MTDH: variants seen among roughly 807,000 people sequenced by gnomAD.
MTDH encodes metadherin.
In MTDH, 34 loss-of-function variants were observed where a neutral mutation model predicts 72.7. The observed-to-expected ratio is 0.47, with a 90% CI of 0.36 to 0.62. MTDH has a LOEUF of 0.62. Ranked by LOEUF, MTDH falls within the 20% of genes least tolerant of loss-of-function variation. MTDH has a pLI of 0.00. For synonymous variants in MTDH, 266 were observed against 268.9 expected (o/e 0.99, Z 0.10); for missense variants, 677 against 699.4 (o/e 0.97, Z 0.36).
intron 1 of MTDH, among the ~76,000 whole-genome samples, chr8:97,649,277 A>T (rs558415276): frequency 6.6e-6 from 1 of 152,280 alleles, no homozygotes; most frequent in East Asian, 1.9e-4. Flanking sequence ...GCCCTACTTT[A>T]GGACTTTATT....
At chr8:97,708,731 C>T (rs1814489554) in intron 8 of MTDH, among the ~76,000 whole-genome samples, 1 of 147,308 alleles carries the variant, frequency 6.8e-6, no homozygotes, top group African/African-American at 2.5e-5. Flanking sequence ...TCCTGAGTAG[C>T]TGGGATTACA....
chr8:97,685,268 A>G (rs1020304925), intron 2 of MTDH, among the ~76,000 whole-genome samples: 2 of 152,194 alleles, frequency 1.3e-5, no homozygotes, highest in African/African-American at 4.8e-5. Flanking sequence ...AAAACAGTGT[A>G]TTAAACATAC....
chr8:97,655,631 G>C (rs959952188), intron 1 of MTDH, among the ~76,000 whole-genome samples: 13 of 152,172 alleles, frequency 8.5e-5, no homozygotes, highest in African/African-American at 3.1e-4. Context: ...GGAATAAAGG[G>C]CATAGGCCAT....
At chr8:97,692,527 C>A (rs1813654025) in intron 6 of MTDH, among the ~76,000 whole-genome samples, 1 of 151,386 alleles carries the variant, frequency 6.6e-6, no homozygotes, top group Non-Finnish European at 1.5e-5. Context: ...CATACGCCAC[C>A]AAACTCAGCT....
chr8:97,712,887 A>G (rs1814693361), intron 8 of MTDH, among the ~76,000 whole-genome samples: 1 of 151,950 alleles, frequency 6.6e-6, no homozygotes, highest in South Asian at 2.1e-4. Flanking sequence ...TTTAAACTTG[A>G]GTGTTCCTTG....
chr8:97,692,747 T>G (rs959192024), intron 6 of MTDH, among the ~76,000 whole-genome samples: 7 of 151,530 alleles, frequency 4.6e-5, no homozygotes, highest in South Asian at 4.2e-4. Flanking sequence ...TTGTGGTTTT[T>G]AAGATGGGGT....
chr8:97,685,295 G>A (rs989607708), intron 2 of MTDH, among the ~76,000 whole-genome samples: 2 of 151,870 alleles, frequency 1.3e-5, no homozygotes, highest in Admixed American at 6.6e-5. Flanking sequence ...ATGATAATGA[G>A]AACATGCAGC....
chr8:97,702,358 CT>C (rs1814166356), intron 7 of MTDH, among the ~76,000 whole-genome samples: 1 of 152,212 alleles, frequency 6.6e-6, no homozygotes, highest in Admixed American at 6.5e-5. Context: ...ACTTCCCTGC[CT>C]TTGCCCATAT....
chr8:97,646,400 T>C (rs1811564383), intron 1 of MTDH, among the ~76,000 whole-genome samples: 1 of 152,220 alleles, frequency 6.6e-6, no homozygotes, highest in Non-Finnish European at 1.5e-5. Context: ...TTGTGGAGAC[T>C]ATCAAGAATT....
chr8:97,720,022 C>T (rs1239436200), intron 10 of MTDH, among the ~76,000 whole-genome samples: 15 of 152,084 alleles, frequency 9.9e-5, no homozygotes, highest in Admixed American at 9.2e-4. Context: ...TGTGGTGGCT[C>T]ACGCCTGTAA....
Position 97,689,117 on chromosome 8 carries a change from C to A in MTDH, c.811+14C>A. Reference sequence around the variant, plus strand: ...CTACACTTCAGGGTGAGAGAAATTACATGTAACTTAAATTGAAGGCCCATC... The same window carrying A: ...CTACACTTCAGGGTGAGAGAAATTAAATGTAACTTAAATTGAAGGCCCATC... On this transcript the variant is annotated intron_variant, in intron 5 of 11. Coordinates refer to ENST00000336273, the MANE Select transcript of MTDH (RefSeq NM_178812.4). 1 of 1,515,838 alleles carries A rather than the reference C, an allele frequency of 6.6e-7. No individual in the cohort carries two copies. Among genetic ancestry groups the A allele is most frequent in the South Asian group, 1.2e-5 (1 of 82,278 alleles). 93.9% of individuals were successfully genotyped at this position (1,515,838 alleles called of 1,614,324 possible).
rs1162729303 is a variant in MTDH at position 97,687,674 on chromosome 8, CATT to C, written c.745+72_745+74del. The stretch of plus-strand genomic sequence containing the variant: ...CCTTTTATTCGGATGTACAAAATAT[CATT>C]ATGTCAAAATCTGACTATTTTGAAT... On this transcript the variant is annotated intron_variant, in intron 4 of 11. Coordinates refer to ENST00000336273, the MANE Select transcript of MTDH (RefSeq NM_178812.4). 12 of 1,308,202 alleles carry C rather than the reference CATT, an allele frequency of 9.2e-6. No homozygotes were observed. In the African/African-American group the frequency reaches 1.5e-4, roughly 16 times the overall value. The allele number at this position is 1,308,202 out of a possible 1,614,324, so 81.0% of individuals were successfully genotyped here.
Position 97,726,246 on chromosome 8 carries a change from A to G in MTDH, c.*1576A>G, listed in dbSNP as rs1563576940. Reference sequence around the variant, plus strand: ...TTCAGGAACATGGCAGTATGTTTACATGTCAGAAGTTTTGTTTAATTCTAT... The same window carrying G: ...TTCAGGAACATGGCAGTATGTTTACGTGTCAGAAGTTTTGTTTAATTCTAT... On this transcript the variant is annotated 3_prime_UTR_variant, in exon 12 of 12. Transcript: ENST00000336273. 1 of 152,686 alleles carries G rather than the reference A, an allele frequency of 6.5e-6. No homozygotes were observed. Among genetic ancestry groups the G allele is most frequent in the Non-Finnish European group, 1.5e-5 (1 of 68,050 alleles). 9.5% of individuals were successfully genotyped at this position (152,686 alleles called of 1,614,324 possible). A position where few individuals can be genotyped will look rare whatever the true frequency, so the allele number is the denominator to read the frequency against.
At chr8:97,712,174 A>T (rs1814665569) in intron 8 of MTDH, among the ~76,000 whole-genome samples, 1 of 152,130 alleles carries the variant, frequency 6.6e-6, no homozygotes, top group Non-Finnish European at 1.5e-5. Flanking sequence ...AGTAGCTGGG[A>T]TTACAGGCGC....
intron 2 of MTDH, among the ~76,000 whole-genome samples, chr8:97,677,901 T>C (rs1812920111): frequency 6.6e-6 from 1 of 152,180 alleles, no homozygotes; most frequent in African/African-American, 2.4e-5. Flanking sequence ...CTTATTTAAA[T>C]AGAGAAAGAA....
chr8:97,719,692 C>CT (rs1341940439), intron 10 of MTDH, among the ~76,000 whole-genome samples: 1 of 152,066 alleles, frequency 6.6e-6, no homozygotes, highest in African/African-American at 2.4e-5. Context: ...ATATAACTAT[C>CT]AGTAGTGAAA....
At chr8:97,679,572 C>G (rs1191432757) in intron 2 of MTDH, among the ~76,000 whole-genome samples, 1 of 152,036 alleles carries the variant, frequency 6.6e-6, no homozygotes, top group Non-Finnish European at 1.5e-5. Context: ...TCAAGTATAA[C>G]AATATTTAAT....
chr8:97,707,449 C>CTTTTTTTT (rs35528230), intron 8 of MTDH, among the ~76,000 whole-genome samples: 7 of 80,216 alleles, frequency 8.7e-5, no homozygotes, highest in African/African-American at 1.9e-4. Flanking sequence ...CATGCCTGGC[C>CTTTTTTTT]TTTTTTTTTT....
chr8:97,650,191 C>T (rs1265018786), intron 1 of MTDH, among the ~76,000 whole-genome samples: 4 of 140,608 alleles, frequency 2.8e-5, no homozygotes, highest in Non-Finnish European at 6.2e-5. Flanking sequence ...TTCCTGACCT[C>T]GTGATCCGCC....
Sources: gnomAD v4.1 joint callset for allele counts (sites outside exome capture counted in the v4.1 genomes callset) on GRCh38, gnomAD v4.1.1 for gene constraint, MANE v1.5 for transcripts, NCBI Gene and HGNC (gene_info 2026-07-23, HGNC 2026-07-21) for gene names.